Variants in BRIP1 observed in about 807,000 individuals in gnomAD.
BRIP1 encodes Fanconi anemia group J protein.
Under a neutral mutation model 119.7 loss-of-function variants are expected in BRIP1, and 88 were observed. That is an observed-to-expected ratio of 0.74 (90% CI 0.62 to 0.88). The LOEUF (loss-of-function observed/expected upper bound fraction) is 0.88. BRIP1 is among the 40% of genes least tolerant of loss of function. BRIP1 has a pLI of 0.00. For synonymous variants in BRIP1, 443 were observed against 496.5 expected, an observed-to-expected ratio of 0.89 and a Z score of 1.43; for missense variants, 1,259 against 1,455.4, an observed-to-expected ratio of 0.87 and a Z score of 2.20.
At position 61,804,410 on chromosome 17, in the gene BRIP1, ATGTGTGTGTGTGTGTG is replaced by A. The variant is rs71153405; in HGVS notation, c.919-2952_919-2937del. Reference sequence around the variant, plus strand: ...AAGACTTTGAGGCAGCTATATACATATGTGTGTGTGTGTGTGTGTGTGTGTGTGTGTGTGTGTATGT... The same window carrying A: ...AAGACTTTGAGGCAGCTATATACATATGTGTGTGTGTGTGTGTGTGTATGT... On this transcript the variant is annotated intron_variant, in intron 7 of 19. Coordinates refer to ENST00000259008, the MANE Select transcript of BRIP1 (RefSeq NM_032043.3). This position sits in a 1 kb window ranked among gnomAD's most constrained non-coding sequence, Gnocchi z 4.5. Among the ~76,000 whole-genome samples, 12 of 125,416 alleles carry A rather than the reference ATGTGTGTGTGTGTGTG, an allele frequency of 9.6e-5. No homozygotes were observed. The South Asian group carries it at 1.6e-3, about 17-fold the overall frequency. The allele number at this position is 125,416 out of a possible 152,430, so 82.3% of individuals were successfully genotyped here.
rs978697061 is a variant in BRIP1, at chr17:61,827,489, G to A, written c.628-18732C>T. 6.6e-6 allele frequency among the ~76,000 whole-genome samples: 1 copy of A among 152,164 alleles called. No individual in the cohort carries two copies. The highest frequency in any genetic ancestry group is 1.9e-4 in the East Asian group (1 of 5,192). On this transcript the variant is annotated intron_variant, in intron 6 of 19. Transcript: ENST00000259008. This position sits in a 1 kb window ranked among gnomAD's most constrained non-coding sequence, Gnocchi z 5.8. ...TACACCTGTAATCTCAGTACTTTGA[G>A]AGGTAAGGCAGGAGGATCACTTGAG...
In BRIP1 at chr17:61,700,215, G is replaced by C. The variant is rs958559583; in HGVS notation, c.2493-6703C>G. Among the ~76,000 whole-genome samples, 4 of 152,064 alleles carry C rather than the reference G, an allele frequency of 2.6e-5. No individual in the cohort carries two copies. Among genetic ancestry groups the C allele is most frequent in the Non-Finnish European group, 4.4e-5 (3 of 68,016 alleles). On this transcript the variant is annotated intron_variant, in intron 17 of 19. Coordinates refer to ENST00000259008, the MANE Select transcript of BRIP1 (RefSeq NM_032043.3). The surrounding 1 kb of genome is among the most constrained non-coding windows in gnomAD (Gnocchi z 4.1). ...TGCAGTTGCTCTTTTAAAAAATCAAGAGTAAAAGAATTATAAGCAAGAAGT... is the reference window on the plus strand; with the variant it reads ...TGCAGTTGCTCTTTTAAAAAATCAACAGTAAAAGAATTATAAGCAAGAAGT...
Position 61,691,001 on chromosome 17 carries a change from G to A in BRIP1, c.2575+2429C>T, listed in dbSNP as rs1013581916. On this transcript the variant is annotated intron_variant, in intron 18 of 19. Transcript: ENST00000259008. This position sits in a 1 kb window ranked among gnomAD's most constrained non-coding sequence, Gnocchi z 5.0. ...CCGCAAGGACAGAAAACCAAACATG[G>A]CATGTTCTCACTCATAGGTGAGAAC... Among the ~76,000 whole-genome samples, 5 of 149,156 alleles carry A rather than the reference G, an allele frequency of 3.4e-5. No individual in the cohort carries two copies. The highest frequency in any genetic ancestry group is 2.7e-4 in the Admixed American group (4 of 14,700).
chr17:61,797,970 T>C lies in BRIP1; in HGVS notation c.1340+1130A>G, dbSNP rs143209205. On this transcript the variant is annotated intron_variant, in intron 9 of 19. Coordinates refer to ENST00000259008, the MANE Select transcript of BRIP1 (RefSeq NM_032043.3). ...CATTAGCCCCCCTGTCATCCACCTA[T>C]TGTGTAAATGTTAGCTATATCTATT... 2.6e-5 allele frequency among the ~76,000 whole-genome samples: 4 copies of C among 151,820 alleles called. No individual in the cohort carries two copies. The East Asian group carries it at 5.8e-4, about 22-fold the overall frequency.
At position 61,699,163 on chromosome 17, in the gene BRIP1, T is replaced by C. The variant is rs1443846383; in HGVS notation, c.2493-5651A>G. 3.3e-5 allele frequency among the ~76,000 whole-genome samples: 5 copies of C among 152,210 alleles called. No homozygotes were observed. Among genetic ancestry groups the C allele is most frequent in the African/African-American group, 1.2e-4 (5 of 41,468 alleles). On this transcript the variant is annotated intron_variant, in intron 17 of 19. Coordinates refer to ENST00000259008, the MANE Select transcript of BRIP1 (RefSeq NM_032043.3). This position sits in a 1 kb window ranked among gnomAD's most constrained non-coding sequence, Gnocchi z 4.8. ...TTTTATTTTCAACCTATTTGTGTTT[T>C]TTAAACTAGTGTTTCTCTTGCAGAC...
rs959138356 is a variant in BRIP1 at position 61,842,085 on chromosome 17, C to A, written c.627+5016G>T. Among the ~76,000 whole-genome samples the A allele has an allele frequency of 6.6e-6, 1 of 152,114 alleles. No individual in the cohort carries two copies. Among genetic ancestry groups the A allele is most frequent in the African/African-American group, 2.4e-5 (1 of 41,398 alleles). On this transcript the variant is annotated intron_variant, in intron 6 of 19. Coordinates refer to ENST00000259008, the MANE Select transcript of BRIP1 (RefSeq NM_032043.3). This position sits in a 1 kb window ranked among gnomAD's most constrained non-coding sequence, Gnocchi z 5.1. ...ATAAAGAAAATGTGACACATATACA[C>A]AATGGAATATTATTCAGCCATAGAA...
rs2078057614 is a variant in BRIP1, at chr17:61,805,210, C to A, written c.918+3257G>T. The stretch of plus-strand genomic sequence containing the variant: ...GAAACAAAGTAAACCATAAGAGATT[C>A]ATAACCTATAAAAGAATGTCAGCAA... On this transcript the variant is annotated intron_variant, in intron 7 of 19. Coordinates refer to ENST00000259008, the MANE Select transcript of BRIP1 (RefSeq NM_032043.3). This position sits in a 1 kb window ranked among gnomAD's most constrained non-coding sequence, Gnocchi z 5.6. 6.6e-6 allele frequency among the ~76,000 whole-genome samples: 1 copy of A among 151,978 alleles called. No homozygotes were observed. The highest frequency in any genetic ancestry group is 2.1e-4 in the South Asian group (1 of 4,816).
In BRIP1 at chr17:61,845,503, A is replaced by T. The variant is rs2145727410; in HGVS notation, c.627+1598T>A. ...AAAAGTCATATTCTGTAATATCACC[A>T]ATTTCATCAGAAAAGTCTGTAGTTA... On this transcript the variant is annotated intron_variant, in intron 6 of 19. Coordinates refer to ENST00000259008, the MANE Select transcript of BRIP1 (RefSeq NM_032043.3). The surrounding 1 kb of genome is among the most constrained non-coding windows in gnomAD (Gnocchi z 4.2). 6.6e-6 allele frequency among the ~76,000 whole-genome samples: 1 copy of T among 152,356 alleles called. No homozygotes were observed. Among genetic ancestry groups the T allele is most frequent in the African/African-American group, 2.4e-5 (1 of 41,592 alleles).
In BRIP1 at chr17:61,842,189, G is replaced by A. The variant is rs552207357; in HGVS notation, c.627+4912C>T. On this transcript the variant is annotated intron_variant, in intron 6 of 19. Transcript: ENST00000259008. The surrounding 1 kb of genome is among the most constrained non-coding windows in gnomAD (Gnocchi z 5.1). ...AGTGAAATAAGTCAGGCATAGGCAG[G>A]TAAGTACTGTATGTTCTTACTCATA... Among the ~76,000 whole-genome samples, 4 of 152,230 alleles carry A rather than the reference G, an allele frequency of 2.6e-5. No individual in the cohort carries two copies. The highest frequency in any genetic ancestry group is 9.6e-5 in the African/African-American group (4 of 41,530).
rs1217834139 is a variant in BRIP1 at position 61,841,714 on chromosome 17, G to T, written c.627+5387C>A. Among the ~76,000 whole-genome samples the T allele has an allele frequency of 6.6e-6, 1 of 152,002 alleles. No homozygotes were observed. Among genetic ancestry groups the T allele is most frequent in the East Asian group, 1.9e-4 (1 of 5,192 alleles). ...CAATCCTACTACTATTTATCCAAAG[G>T]AAAGAAAATCTAGAGTACAGTAGCA... On this transcript the variant is annotated intron_variant, in intron 6 of 19. Coordinates refer to ENST00000259008, the MANE Select transcript of BRIP1 (RefSeq NM_032043.3). This position sits in a 1 kb window ranked among gnomAD's most constrained non-coding sequence, Gnocchi z 4.1.
rs75163660 is a variant in BRIP1, at chr17:61,746,417, G to T, written c.2098-1826C>A. Among the ~76,000 whole-genome samples the T allele has an allele frequency of 0.019, 2,865 of 152,126 alleles. 46 individuals carry two copies. Among genetic ancestry groups the T allele is most frequent in the Non-Finnish European group, 0.03 (2,031 of 67,954 alleles). Reference sequence around the variant, plus strand: ...CTAATCAAAAGATATAAAGTAGCTGGATAGATAAAAACGCTGTCTGCAAGT... The same window carrying T: ...CTAATCAAAAGATATAAAGTAGCTGTATAGATAAAAACGCTGTCTGCAAGT... On this transcript the variant is annotated intron_variant, in intron 14 of 19. Transcript: ENST00000259008. The surrounding 1 kb of genome is among the most constrained non-coding windows in gnomAD (Gnocchi z 4.9).
At position 61,679,448 on chromosome 17, in the gene BRIP1, G is replaced by A. The variant is rs2061249362; in HGVS notation, c.*3848C>T. 6.6e-6 allele frequency among the ~76,000 whole-genome samples: 1 copy of A among 152,062 alleles called. No individual in the cohort carries two copies. Among genetic ancestry groups the A allele is most frequent in the Admixed American group, 6.5e-5 (1 of 15,282 alleles). On this transcript the variant is annotated 3_prime_UTR_variant, in exon 20 of 20. Coordinates refer to ENST00000259008, the MANE Select transcript of BRIP1 (RefSeq NM_032043.3). The surrounding 1 kb of genome is among the most constrained non-coding windows in gnomAD (Gnocchi z 4.4). Reference sequence around the variant, plus strand: ...CCTGTCTCTAACTGGTAGTTTTCCTGGTTTGCAGCCTGTGTGCTCTATATA... The same window carrying A: ...CCTGTCTCTAACTGGTAGTTTTCCTAGTTTGCAGCCTGTGTGCTCTATATA...
In BRIP1 at chr17:61,776,330, A is replaced by G. The variant is rs2077531476; in HGVS notation, c.2097+71T>C. ...TAGGAAGCTTACTGTGGTAATTTTA[A>G]AATTAGCATGCCAATGTTTAAAATG... is the stretch of plus-strand genomic sequence containing the variant. On this transcript the variant is annotated intron_variant, in intron 14 of 19. Transcript: ENST00000259008. The surrounding 1 kb of genome is among the most constrained non-coding windows in gnomAD (Gnocchi z 5.0). 7.6e-6 allele frequency: 12 copies of G among 1,575,900 alleles called. No homozygotes were observed. The South Asian group carries it at 1.2e-4, about 16-fold the overall frequency.
At chr17:61,787,151 ATATAT>A (rs1168940885) in intron 10 of BRIP1, among the ~76,000 whole-genome samples, 68 of 105,280 alleles carry the variant, frequency 6.5e-4, no homozygotes, top group African/African-American at 2.3e-3. Flanking sequence ...ATATATAAAA[ATATAT>A]TATATACTAT....
intron 11 of BRIP1, chr17:61,783,823 C>T (rs1472896000): frequency 6.6e-6 from 1 of 152,598 alleles, no homozygotes; most frequent in Admixed American, 6.5e-5. Flanking sequence ...ACTTACAATC[C>T]TAGCACTTTG....
rs540688902 is a variant in BRIP1 at position 61,707,226 on chromosome 17, T to A, written c.2492+8725A>T. Among the ~76,000 whole-genome samples the A allele has an allele frequency of 6.6e-5, 10 of 152,270 alleles. No individual in the cohort carries two copies. In the East Asian group the frequency reaches 1.9e-3, roughly 29 times the overall value. On this transcript the variant is annotated intron_variant, in intron 17 of 19. Coordinates refer to ENST00000259008, the MANE Select transcript of BRIP1 (RefSeq NM_032043.3). ...AATATTTGAAGACAATTTCTTCTAT[T>A]TTTTTGGTTTCAGTGTTGCTTTTCA...
chr17:61,770,220 G>A lies in BRIP1; in HGVS notation c.2097+6181C>T, dbSNP rs544035047. Among the ~76,000 whole-genome samples the A allele has an allele frequency of 7.2e-5, 11 of 152,266 alleles. No homozygotes were observed. The East Asian group carries it at 2.1e-3, about 29-fold the overall frequency. ...GGCAAGGGACACAGTCATGCTAAAA[G>A]ACTGAGACATAATCATAGGATTAGA... On this transcript the variant is annotated intron_variant, in intron 14 of 19. Coordinates refer to ENST00000259008, the MANE Select transcript of BRIP1 (RefSeq NM_032043.3). The surrounding 1 kb of genome is among the most constrained non-coding windows in gnomAD (Gnocchi z 4.7).
chr17:61,696,144 T>C (rs1403843419), intron 17 of BRIP1, among the ~76,000 whole-genome samples: 2 of 152,142 alleles, frequency 1.3e-5, no homozygotes, highest in African/African-American at 4.8e-5. Flanking sequence ...TAACCTTATA[T>C]TCCCACTTTG....
Position 61,793,529 on chromosome 17 carries a change from G to C in BRIP1, c.1473+68C>G. On this transcript the variant is annotated intron_variant, in intron 10 of 19. Coordinates refer to ENST00000259008, the MANE Select transcript of BRIP1 (RefSeq NM_032043.3). This position sits in a 1 kb window ranked among gnomAD's most constrained non-coding sequence, Gnocchi z 5.2. The stretch of plus-strand genomic sequence containing the variant: ...CTGGGTTACTCACTAGATTTAATCT[G>C]GATTTAGTCACGACTAAATCACTTC... The C allele has an allele frequency of 6.9e-7, 1 of 1,446,924 alleles. No individual in the cohort carries two copies. Among genetic ancestry groups the C allele is most frequent in the East Asian group, 2.4e-5 (1 of 42,368 alleles). The allele number at this position is 1,446,924 out of a possible 1,614,324, so 89.6% of individuals were successfully genotyped here.
Sources: gnomAD v4.1 joint callset for allele counts (sites outside exome capture counted in the v4.1 genomes callset) on GRCh38, gnomAD v4.1.1 for gene constraint, Gnocchi (gnomAD v3.1) non-coding constraint, MANE v1.5 for transcripts, NCBI Gene and HGNC (gene_info 2026-07-23, HGNC 2026-07-21) for gene names.